Variants in NPAS3 observed in about 807,000 individuals in gnomAD.
The protein encoded by NPAS3 is neuronal PAS domain-containing protein 3.
Under a neutral mutation model 73.1 loss-of-function variants are expected in NPAS3, and 14 were observed. The ratio of observed to expected loss-of-function variants is 0.19; its 90% CI spans 0.13 to 0.30. The LOEUF is 0.30. Among genes scored for constraint, NPAS3 ranks in the 10% least tolerant of loss-of-function variants. The probability of loss-of-function intolerance (pLI) is 1.00; values close to 1 mark genes in which losing one functional copy is unlikely to be tolerated. For missense variants in NPAS3, 1,096 were observed against 1,250.0 expected, an observed-to-expected ratio of 0.88 and a Z score of 1.86; for synonymous variants, 620 against 541.5, an observed-to-expected ratio of 1.14 and a Z score of -2.01.
intron 5 of NPAS3, among the ~76,000 whole-genome samples, chr14:33,603,890 C>A (rs1416798243): frequency 2.0e-5 from 3 of 151,780 alleles, no homozygotes; most frequent in Non-Finnish European, 2.9e-5. Flanking sequence ...AAACTAGCAC[C>A]AAGTTCAGGA....
chr14:33,681,276 A>G (rs770552189), intron 6 of NPAS3, among the ~76,000 whole-genome samples: 2 of 152,226 alleles, frequency 1.3e-5, no homozygotes, highest in Non-Finnish European at 2.9e-5. Context: ...ATTATTTACC[A>G]TCTGGTATAT....
intron 7 of NPAS3, among the ~76,000 whole-genome samples, chr14:33,753,432 T>C (rs75305403): frequency 0.011 from 1,647 of 151,948 alleles, 36 homozygotes; most frequent in African/African-American, 0.038. Flanking sequence ...CTTTCACGTG[T>C]AACTGCATTT....
intron 3 of NPAS3, among the ~76,000 whole-genome samples, chr14:33,246,110 G>A (rs116367363): frequency 0.014 from 2,074 of 152,190 alleles, 37 homozygotes; most frequent in African/African-American, 0.046. Context: ...CCTCGGGTAA[G>A]TTTATGATAT....
intron 2 of NPAS3, among the ~76,000 whole-genome samples, chr14:33,209,380 T>G (rs1025427291): frequency 6.6e-6 from 1 of 152,180 alleles, no homozygotes; most frequent in Non-Finnish European, 1.5e-5. Context: ...TTACTAAAAG[T>G]AATGAAGGAA....
intron 3 of NPAS3, among the ~76,000 whole-genome samples, chr14:33,244,319 T>C (rs1011213038): frequency 6.6e-6 from 1 of 152,166 alleles, no homozygotes; most frequent in African/African-American, 2.4e-5. Context: ...TTATTTTCTG[T>C]TTTTAAGTAG....
At chr14:33,698,770 C>T (rs1195512732) in intron 6 of NPAS3, among the ~76,000 whole-genome samples, 2 of 152,108 alleles carry the variant, frequency 1.3e-5, no homozygotes, top group Non-Finnish European at 2.9e-5. Context: ...TAAGAATCTC[C>T]ATTGTAATTT....
chr14:33,368,855 T>A (rs926640907), intron 4 of NPAS3, among the ~76,000 whole-genome samples: 3 of 152,198 alleles, frequency 2.0e-5, no homozygotes, highest in Admixed American at 6.5e-5. Context: ...TATAAATTGT[T>A]AGACTCTGAT....
intron 5 of NPAS3, among the ~76,000 whole-genome samples, chr14:33,584,270 G>C (rs1247536877): frequency 2.6e-5 from 4 of 152,040 alleles, no homozygotes; most frequent in Non-Finnish European, 4.4e-5. Context: ...TTGATTGCCG[G>C]TATAATCCTA....
chr14:33,671,183 C>T (rs905942413), intron 5 of NPAS3, among the ~76,000 whole-genome samples: 1 of 152,132 alleles, frequency 6.6e-6, no homozygotes, highest in Non-Finnish European at 1.5e-5. Flanking sequence ...CAAAGAAGCA[C>T]TGAATTCAAT....
chr14:33,169,979 T>A (rs1219880000), intron 2 of NPAS3, among the ~76,000 whole-genome samples: 1 of 152,148 alleles, frequency 6.6e-6, no homozygotes, highest in East Asian at 1.9e-4. Context: ...TCTTGTAGTT[T>A]TGTGGTTTGG....
intron 6 of NPAS3, among the ~76,000 whole-genome samples, chr14:33,732,131 G>T (rs1034374631): frequency 1.3e-5 from 2 of 152,122 alleles, no homozygotes; most frequent in Non-Finnish European, 2.9e-5. Context: ...ATAAACTGTT[G>T]CCACTGTCTT....
intron 1 of NPAS3, 96 bp from the exon 2 acceptor site, chr14:33,055,809 C>CATT: frequency 7.4e-6 from 5 of 679,388 alleles, no homozygotes; most frequent in Non-Finnish European, 1.1e-5. Flanking sequence ...GCGTAAAAAG[C>CATT]AAAATATATT....
intron 1 of NPAS3, among the ~76,000 whole-genome samples, chr14:33,012,996 G>T (rs755629118): frequency 6.6e-6 from 1 of 152,174 alleles, no homozygotes; most frequent in Non-Finnish European, 1.5e-5. Context: ...GAATAGATGG[G>T]TTTTCTGACT....
intron 5 of NPAS3, among the ~76,000 whole-genome samples, chr14:33,675,280 A>G (rs995684444): frequency 2.0e-5 from 3 of 152,220 alleles, no homozygotes; most frequent in Non-Finnish European, 4.4e-5. Context: ...TTAGAGCATT[A>G]GAGGAGTACA....
intron 2 of NPAS3, among the ~76,000 whole-genome samples, chr14:33,144,329 T>G (rs1436466422): frequency 6.6e-6 from 1 of 152,244 alleles, no homozygotes; most frequent in Non-Finnish European, 1.5e-5. Flanking sequence ...TGAGCATCTT[T>G]TAAGATGTGC....
intron 5 of NPAS3, among the ~76,000 whole-genome samples, chr14:33,597,222 T>TGTGAGCTACTTTCACAGCC (rs760288303): frequency 6.6e-6 from 1 of 152,244 alleles, no homozygotes; most frequent in Non-Finnish European, 1.5e-5. Context: ...CTTTATCAGC[T>TGTGAGCTACTTTCACAGCC]GTGAGCTACT....
At chr14:33,498,695 G>T (rs780317247) in intron 4 of NPAS3, among the ~76,000 whole-genome samples, 5 of 117,984 alleles carry the variant, frequency 4.2e-5, no homozygotes, top group Non-Finnish European at 6.7e-5. Flanking sequence ...GTTGGGGGAT[G>T]GGGGGGCTAG....
intron 5 of NPAS3, among the ~76,000 whole-genome samples, chr14:33,614,293 A>T (rs2057845721): frequency 6.6e-6 from 1 of 152,232 alleles, no homozygotes; most frequent in South Asian, 2.1e-4. Flanking sequence ...AAATAGTTGT[A>T]GGAGTAATTA....
At chr14:32,947,505 T>G (rs1189932644) in intron 1 of NPAS3, among the ~76,000 whole-genome samples, 1 of 152,148 alleles carries the variant, frequency 6.6e-6, no homozygotes, top group Non-Finnish European at 1.5e-5. Context: ...ACATATATAT[T>G]CTATTCAGGT....
Sources: gnomAD v4.1 joint callset for allele counts (sites outside exome capture counted in the v4.1 genomes callset) on GRCh38, gnomAD v4.1.1 for gene constraint, MANE v1.5 for transcripts, NCBI Gene and HGNC (gene_info 2026-07-23, HGNC 2026-07-21) for gene names.